Variants in SSBP2 observed in about 807,000 individuals in gnomAD.
SSBP2 encodes single-stranded DNA-binding protein 2.
In SSBP2, 17 loss-of-function variants were observed where a neutral mutation model predicts 61.8. The observed-to-expected ratio is 0.28, with a 90% CI of 0.19 to 0.41. The LOEUF (loss-of-function observed/expected upper bound fraction) is 0.41, where lower values mean the gene tolerates loss of function less well. Among genes scored for constraint, SSBP2 ranks in the 10% least tolerant of loss-of-function variants. The probability of loss-of-function intolerance (pLI) is 1.00; values close to 1 mark genes in which losing one functional copy is unlikely to be tolerated. For missense variants in SSBP2, 310 were observed against 458.7 expected, an observed-to-expected ratio of 0.68 and a Z score of 2.96; for synonymous variants, 139 against 141.3, an observed-to-expected ratio of 0.98 and a Z score of 0.12.
intron 5 of SSBP2, among the ~76,000 whole-genome samples, chr5:81,491,021 C>A (rs879018178): frequency 1.3e-5 from 2 of 152,168 alleles, no homozygotes; most frequent in Admixed American, 1.3e-4. Flanking sequence ...TAGTTATGTA[C>A]TGTCAACTAG....
intron 1 of SSBP2, among the ~76,000 whole-genome samples, chr5:81,747,982 C>T (rs1029101017): frequency 6.6e-6 from 1 of 151,982 alleles, no homozygotes; most frequent in East Asian, 1.9e-4. Context: ...CTAATCTTAC[C>T]CTGATCATTT....
At position 81,513,817 on chromosome 5, in the gene SSBP2, C is replaced by T. The variant is rs929352867; in HGVS notation, c.283-100G>A. The T allele has an allele frequency of 1.6e-5, 11 of 694,202 alleles. No individual in the cohort carries two copies. The Admixed American group carries it at 2.5e-4, about 16-fold the overall frequency. 43.0% of individuals were successfully genotyped at this position (694,202 alleles called of 1,614,324 possible). ...TTGCAGGACGGGATGCTCTTTCATGCCTGGGAACAAATACTGGTAATTTTC... is the reference window on the plus strand; with the variant it reads ...TTGCAGGACGGGATGCTCTTTCATGTCTGGGAACAAATACTGGTAATTTTC... On this transcript the variant is annotated intron_variant, in intron 4 of 16. Transcript: ENST00000320672.
chr5:81,576,371 T>C (rs2153459683), intron 4 of SSBP2, among the ~76,000 whole-genome samples: 1 of 152,276 alleles, frequency 6.6e-6, no homozygotes, highest in African/African-American at 2.4e-5. Context: ...TATAACACTA[T>C]ATGTTAGGCA....
intron 4 of SSBP2, among the ~76,000 whole-genome samples, chr5:81,588,687 T>G (rs1581102962): frequency 1.3e-5 from 2 of 152,144 alleles, no homozygotes; most frequent in South Asian, 2.1e-4. Context: ...AAACTCAACT[T>G]TCTCATGAAA....
chr5:81,646,416 A>G (rs1749268399), intron 2 of SSBP2, among the ~76,000 whole-genome samples: 1 of 152,078 alleles, frequency 6.6e-6, no homozygotes, highest in African/African-American at 2.4e-5. Flanking sequence ...ATTCCCATGG[A>G]ACTATTTTGA....
chr5:81,441,888 G>A (rs1172433700), intron 13 of SSBP2, among the ~76,000 whole-genome samples: 1 of 152,090 alleles, frequency 6.6e-6, no homozygotes, highest in Non-Finnish European at 1.5e-5. Flanking sequence ...GTTTAGATAT[G>A]GGTTGAAAAA....
intron 1 of SSBP2, among the ~76,000 whole-genome samples, chr5:81,670,067 G>A (rs955535922): frequency 7.2e-5 from 11 of 152,136 alleles, no homozygotes; most frequent in African/African-American, 2.4e-4. Flanking sequence ...AAACTACCTT[G>A]TATGCTACTA....
chr5:81,426,236 G>A (rs1488169985), intron 16 of SSBP2, among the ~76,000 whole-genome samples: 1 of 152,106 alleles, frequency 6.6e-6, no homozygotes, highest in Non-Finnish European at 1.5e-5. Context: ...AAACAAAAAT[G>A]TATAGTAATA....
chr5:81,427,513 T>C (rs1253070130), intron 16 of SSBP2, among the ~76,000 whole-genome samples: 3 of 152,170 alleles, frequency 2.0e-5, no homozygotes, highest in Non-Finnish European at 4.4e-5. Context: ...CTCAATCTTG[T>C]ATTCTGTTTT....
At chr5:81,496,029 C>T (rs949261055) in intron 5 of SSBP2, among the ~76,000 whole-genome samples, 19 of 152,096 alleles carry the variant, frequency 1.2e-4, no homozygotes, top group Non-Finnish European at 1.5e-5. Context: ...ACATTTAGGA[C>T]AGTTTACATG....
chr5:81,667,297 AC>A (rs1751223817), intron 1 of SSBP2, among the ~76,000 whole-genome samples: 1 of 145,450 alleles, frequency 6.9e-6, no homozygotes, highest in Non-Finnish European at 1.5e-5. Flanking sequence ...ACACACACAC[AC>A]ACACACACAC....
intron 1 of SSBP2, among the ~76,000 whole-genome samples, chr5:81,690,306 T>C (rs911502256): frequency 6.6e-6 from 1 of 152,068 alleles, no homozygotes; most frequent in Non-Finnish European, 1.5e-5. Flanking sequence ...AAAGTCATAG[T>C]GTAGCTGAGT....
At position 81,513,701 on chromosome 5, in the gene SSBP2, G is replaced by T. The variant is rs1462941379; in HGVS notation, c.299C>A (p.Pro100His). 1.2e-6 allele frequency: 2 copies of T among 1,612,124 alleles called. No homozygotes were observed. Among genetic ancestry groups the T allele is most frequent in the African/African-American group, 2.7e-5 (2 of 74,808 alleles). Residue 100 changes from proline to histidine, a missense_variant, in exon 5 of 17, where the codon CCC (proline) becomes CAC (histidine). Coordinates refer to ENST00000320672, the MANE Select transcript of SSBP2 (RefSeq NM_012446.5). The stretch of plus-strand genomic sequence containing the variant: ...GGGAATGTTTCCTAGCACTGGACTG[G>T]GAGCTGCTGCAGCACTCTGCAAAGA...
At chr5:81,751,151 C>G, upstream of SSBP2, 1 of 1,134,794 alleles carries the variant, frequency 8.8e-7, no homozygotes, top group Non-Finnish European at 1.3e-6. Flanking sequence ...CCACTATTGG[C>G]CGCCCCACGC....
chr5:81,597,968 T>G (rs912342842), intron 4 of SSBP2, among the ~76,000 whole-genome samples: 43 of 151,934 alleles, frequency 2.8e-4, no homozygotes, highest in Non-Finnish European at 3.7e-4. Flanking sequence ...GTAACAAACC[T>G]GCACGTTGTG....
chr5:81,475,148 T>C (rs1316959505), intron 6 of SSBP2, among the ~76,000 whole-genome samples: 2 of 152,158 alleles, frequency 1.3e-5, no homozygotes, highest in Non-Finnish European at 2.9e-5. Context: ...CTGGGATATA[T>C]ACTGAACCAT....
At chr5:81,635,078 T>C (rs570664669) in intron 3 of SSBP2, among the ~76,000 whole-genome samples, 2 of 152,214 alleles carry the variant, frequency 1.3e-5, no homozygotes, top group Non-Finnish European at 2.9e-5. Flanking sequence ...TAAGTATTTG[T>C]TGAGAGAATG....
intron 5 of SSBP2, among the ~76,000 whole-genome samples, chr5:81,512,406 T>G (rs1040857932): frequency 1.3e-5 from 2 of 152,214 alleles, no homozygotes; most frequent in African/African-American, 4.8e-5. Context: ...GCATTTAGAA[T>G]GAAGCATGGC....
intron 8 of SSBP2, among the ~76,000 whole-genome samples, chr5:81,471,720 T>C (rs1165366746): frequency 6.6e-6 from 1 of 151,938 alleles, no homozygotes; most frequent in Non-Finnish European, 1.5e-5. Flanking sequence ...CCATTGAAAA[T>C]AACTGAGCCT....
Sources: gnomAD v4.1 joint callset for allele counts (sites outside exome capture counted in the v4.1 genomes callset) on GRCh38, gnomAD v4.1.1 for gene constraint, MANE v1.5 for transcripts, NCBI Gene and HGNC (gene_info 2026-07-23, HGNC 2026-07-21) for gene names.